Variants in MMP21 observed in about 807,000 individuals in gnomAD.
MMP21 encodes the protein matrix metalloproteinase-21.
Under a neutral mutation model 47.8 loss-of-function variants are expected in MMP21, and 40 were observed. That is an observed-to-expected ratio of 0.84 (90% confidence interval 0.65 to 1.09). The LOEUF (loss-of-function observed/expected upper bound fraction) is 1.09, where lower values mean the gene tolerates loss of function less well. MMP21 is among the 50% of genes least tolerant of loss of function. The probability of loss-of-function intolerance (pLI) is 0.00; values close to 1 mark genes in which losing one functional copy is unlikely to be tolerated. For synonymous variants in MMP21, 341 were observed against 318.0 expected (o/e 1.07, Z -0.77); for missense variants, 747 against 775.3 (o/e 0.96, Z 0.43).
intron 5 of MMP21, among the ~76,000 whole-genome samples, chr10:125,768,143 TAATC>T (rs1198202200): frequency 6.6e-6 from 1 of 152,244 alleles, no homozygotes; most frequent in East Asian, 1.9e-4. Context: ...TTTCGTATCC[TAATC>T]AATCTAAGTT....
At chr10:125,774,554 A>T (rs954983152) in intron 1 of MMP21, among the ~76,000 whole-genome samples, 189 bp from the exon 2 acceptor site, 3 of 152,230 alleles carry the variant, frequency 2.0e-5, no homozygotes, top group Non-Finnish European at 4.4e-5. Flanking sequence ...ATAGAGATAC[A>T]GAGAGAGCGG....
chr10:125,773,671 G>A lies in MMP21; in HGVS notation c.697+160C>T, dbSNP rs1850478416. 6.6e-6 allele frequency among the ~76,000 whole-genome samples: 1 copy of A among 152,194 alleles called. No homozygotes were observed. The highest frequency in any genetic ancestry group is 2.4e-5 in the African/African-American group (1 of 41,562). On this transcript the variant is annotated intron_variant, in intron 2 of 6. Coordinates refer to ENST00000368808, the MANE Select transcript of MMP21 (RefSeq NM_147191.1). This position sits in a 1 kb window ranked among gnomAD's most constrained non-coding sequence, Gnocchi z 4.8. ...AGGGTGACCATGATTCCGACAAGAC[G>A]ACGCTGACCGGTGGCTTCTGCCTGC...
intron 1 of MMP21, among the ~76,000 whole-genome samples, chr10:125,775,333 G>A (rs1039592940): frequency 6.6e-6 from 1 of 152,234 alleles, no homozygotes; most frequent in African/African-American, 2.4e-5. Flanking sequence ...AGCAGCCACA[G>A]AATGCCTTCG....
chr10:125,771,406 ATTTTT>A (rs11432830), intron 4 of MMP21, among the ~76,000 whole-genome samples: 1 of 140,396 alleles, frequency 7.1e-6, no homozygotes, highest in Non-Finnish European at 1.6e-5. Flanking sequence ...GTTAGGGACT[ATTTTT>A]TTTTTTTTTT....
In MMP21 at chr10:125,766,803, GC is replaced by G. The variant is rs748852357; in HGVS notation, c.1568del (p.Gly523AlafsTer7). On this transcript the variant is annotated frameshift_variant, in exon 7 of 7. Transcript: ENST00000368808. LOFTEE classifies it low-confidence loss of function (END_TRUNC). ...YAYNSIFFFK[G>X]NAYWKVVNDK... ...CATTAACTACCTTCCAGTATGCATTGCCTTTGAAAAAGAAAATGGAGTTGTA... is the reference window on the plus strand; with the variant it reads ...CATTAACTACCTTCCAGTATGCATTGCTTTGAAAAAGAAAATGGAGTTGTA... 5 of 1,613,924 alleles carry G rather than the reference GC, an allele frequency of 3.1e-6. No homozygotes were observed. The South Asian group carries it at 5.5e-5, about 18-fold the overall frequency.
chr10:125,767,080 T>G, intron 6 of MMP21, 119 bp from the exon 7 acceptor site: 1 of 834,556 alleles, frequency 1.2e-6, no homozygotes. Flanking sequence ...CTTGAACTTC[T>G]TAATTTTCCA....
intron 5 of MMP21, 64 bp downstream of exon 5, chr10:125,770,270 A>G (rs1183460426): frequency 3.9e-6 from 6 of 1,546,942 alleles, no homozygotes; most frequent in Non-Finnish European, 5.3e-6. Context: ...TAGGGGCTCA[A>G]GACATTCCTT....
chr10:125,766,597 T>C lies in MMP21; in HGVS notation c.*65A>G. The C allele has an allele frequency of 1.4e-6, 2 of 1,383,764 alleles. No individual in the cohort carries two copies. Among genetic ancestry groups the C allele is most frequent in the Non-Finnish European group, 1.9e-6 (2 of 1,032,920 alleles). 85.7% of individuals were successfully genotyped at this position (1,383,764 alleles called of 1,614,324 possible). On this transcript the variant is annotated 3_prime_UTR_variant, in exon 7 of 7. Coordinates refer to ENST00000368808, the MANE Select transcript of MMP21 (RefSeq NM_147191.1). ...TTCTTCAGCTACTGAAAATCCGGTT[T>C]TCTTTGTAAACAGTATCAGAATTTT...
chr10:125,771,095 C>T (rs1377599638), intron 4 of MMP21, among the ~76,000 whole-genome samples: 1 of 152,122 alleles, frequency 6.6e-6, no homozygotes, highest in African/African-American at 2.4e-5. Context: ...CTGCCTGCTA[C>T]AGTCCTGGTT....
chr10:125,775,669 G>A lies in MMP21; in HGVS notation c.153C>T (p.His51=), dbSNP rs142929620. Residue 51 remains histidine (H), a synonymous_variant, in exon 1 of 7, where the codon CAC becomes CAT. Coordinates refer to ENST00000368808, the MANE Select transcript of MMP21 (RefSeq NM_147191.1). ...TCCAGCTTCCTCCTACCTGAGCAGC[G>A]TGGAGGTCGGCAATGGGCTTGGCCT... ...LRQAKPIADL[H]AAQRFLSRYG... is the part of the protein sequence containing the mutation. 24 of 1,607,938 alleles carry A rather than the reference G, an allele frequency of 1.5e-5. No individual in the cohort carries two copies. In the African/African-American group the frequency reaches 2.5e-4, roughly 17 times the overall value.
intron 1 of MMP21, among the ~76,000 whole-genome samples, chr10:125,775,383 T>C (rs1304896510): frequency 1.3e-5 from 2 of 152,232 alleles, no homozygotes; most frequent in Non-Finnish European, 2.9e-5. Flanking sequence ...TGCTTGCCTT[T>C]GGAAAGGCAC....
At chr10:125,774,433 A>T (rs1850493527) in intron 1 of MMP21, 68 bp from the exon 2 acceptor site, 1 of 1,158,962 alleles carries the variant, frequency 8.6e-7, no homozygotes, top group Non-Finnish European at 1.1e-6. Flanking sequence ...GCCCTGCCCC[A>T]AAGTCTAGAG....
Position 125,772,721 on chromosome 10 carries a change from C to T in MMP21, c.727G>A (p.Asp243Asn). The part of the protein sequence containing the change: ...GRHLGCPRAF[D>N]GSGQEFAHAW... ...TGTGCAAACTCCTGCCCGCTCCCAT[C>T]GAAGGCCCGCGGACAGCCCAGGTGC... The change falls in exon 3 of 7, where the codon GAT becomes AAT. Residue 243 changes from aspartate (D) to asparagine (N), a missense_variant. By Grantham distance (23) the Asp-to-Asn change is conservative. Coordinates refer to ENST00000368808, the MANE Select transcript of MMP21 (RefSeq NM_147191.1). This position sits in a 1 kb window ranked among gnomAD's most constrained non-coding sequence, Gnocchi z 5.6. The T allele has an allele frequency of 1.9e-6, 3 of 1,614,040 alleles. No individual in the cohort carries two copies. The highest frequency in any genetic ancestry group is 2.2e-5 in the East Asian group (1 of 44,876).
In MMP21 at chr10:125,766,972, A is replaced by G. The variant is rs1295082716; in HGVS notation, c.1411-11T>C. 1.5e-5 allele frequency: 23 copies of G among 1,555,356 alleles called. No individual in the cohort carries two copies. The highest frequency in any genetic ancestry group is 2.0e-5 in the Non-Finnish European group (23 of 1,156,418). On this transcript the variant is annotated splice_polypyrimidine_tract_variant and intron_variant, in intron 6 of 6. Transcript: ENST00000368808. The stretch of plus-strand genomic sequence containing the variant: ...ATCAAATGCAAATACCTGCAAAGCA[A>G]ATAAGATAGACTGGCTCTTCTGAAA...
intron 1 of MMP21, among the ~76,000 whole-genome samples, chr10:125,775,269 T>C (rs929309635): frequency 2.0e-5 from 3 of 152,224 alleles, no homozygotes; most frequent in African/African-American, 7.2e-5. Flanking sequence ...TATTGCGGTG[T>C]TGGGGAACCT....
chr10:125,767,149 T>C (rs928303726), intron 6 of MMP21, among the ~76,000 whole-genome samples, 188 bp from the exon 7 acceptor site: 1 of 152,094 alleles, frequency 6.6e-6, no homozygotes, highest in Non-Finnish European at 1.5e-5. Flanking sequence ...GTTTTTTTTT[T>C]GGGCCCGGTC....
In MMP21 at chr10:125,774,152, G is replaced by A; in HGVS notation, c.376C>T (p.Pro126Ser). The change falls in exon 2 of 7, where the codon CCC becomes TCC. Residue 126 changes from proline (P) to serine (S), a missense_variant. Transcript: ENST00000368808. Reference protein sequence around the residue: ...RCGVPDMRPPPPSAPPSPPGP... With the variant: ...RCGVPDMRPPSPSAPPSPPGP... ...GGGGGCGAAGGCGGGGCGGAGGGGG[G>A]CGGTGGGCGCATGTCCGGGACCCCG... is the stretch of plus-strand genomic sequence containing the variant. 7.8e-7 allele frequency: 1 copy of A among 1,277,652 alleles called. No homozygotes were observed. The highest frequency in any genetic ancestry group is 9.8e-7 in the Non-Finnish European group (1 of 1,016,176). The allele number at this position is 1,277,652 out of a possible 1,614,324, so 79.1% of individuals were successfully genotyped here.
chr10:125,772,442 G>T lies in MMP21; in HGVS notation c.838-83C>A. ...TAACAGACGCAGGCCTGTGCTTCGA[G>T]AGGAGCGTTGCTTGTGAAGAGGGGA... On this transcript the variant is annotated intron_variant, in intron 3 of 6. Coordinates refer to ENST00000368808, the MANE Select transcript of MMP21 (RefSeq NM_147191.1). The surrounding 1 kb of genome is among the most constrained non-coding windows in gnomAD (Gnocchi z 5.6). The T allele has an allele frequency of 1.3e-6, 2 of 1,586,140 alleles. No homozygotes were observed. Among genetic ancestry groups the T allele is most frequent in the South Asian group, 1.1e-5 (1 of 88,006 alleles).
intron 5 of MMP21, among the ~76,000 whole-genome samples, chr10:125,769,707 C>A (rs1564762375): frequency 6.6e-6 from 1 of 152,246 alleles, no homozygotes; most frequent in Non-Finnish European, 1.5e-5. Context: ...AAAAACACTT[C>A]TGTTGCTAGA....
Sources: allele counts gnomAD v4.1 joint callset (sites outside exome capture counted in the v4.1 genomes callset), GRCh38; gene constraint gnomAD v4.1.1; non-coding constraint Gnocchi (gnomAD v3.1); transcripts MANE v1.5; gene names NCBI Gene and HGNC (gene_info 2026-07-23, HGNC 2026-07-21).